CDH23: variants seen among roughly 807,000 people sequenced by gnomAD.
CDH23 encodes cadherin related 23.
CDH23 carries 189 observed loss-of-function variants against 317.1 expected under a neutral mutation model. The observed-to-expected ratio is 0.60, with a 90% CI of 0.53 to 0.67. The LOEUF (loss-of-function observed/expected upper bound fraction) is 0.67. CDH23 is among the 30% of genes least tolerant of loss of function. The pLI, the probability that CDH23 is intolerant of heterozygous loss-of-function variation, is 0.00. For synonymous variants in CDH23, 1,839 were observed against 1,876.8 expected, an observed-to-expected ratio of 0.98 and a Z score of 0.52; for missense variants, 4,401 against 4,592.4, an observed-to-expected ratio of 0.96 and a Z score of 1.20.
At position 71,712,672 on chromosome 10, in the gene CDH23, C is replaced by A. The variant is rs750364937; in HGVS notation, c.3228C>A (p.Gly1076=). 14 of 1,613,456 alleles carry A rather than the reference C, an allele frequency of 8.7e-6. No individual in the cohort carries two copies. The Admixed American group carries it at 2.3e-4, about 27-fold the overall frequency. Residue 1076 remains glycine (G), a synonymous_variant, in exon 28 of 70, where the codon GGC becomes GGA. Coordinates refer to ENST00000224721, the MANE Select transcript of CDH23 (RefSeq NM_022124.6). The stretch of plus-strand genomic sequence containing the variant: ...TTCCTTCAACTCCCACAGACAACGG[C>A]CCTGTAGGGAAGCGACACACGGGCA... ...YMLILEAIDN[G]PVGKRHTGTA...
At chr10:71,616,049 G>C (rs1368027390) in intron 10 of CDH23, among the ~76,000 whole-genome samples, 1 of 152,236 alleles carries the variant, frequency 6.6e-6, no homozygotes, top group African/African-American at 2.4e-5. Flanking sequence ...GCAGCAGGGA[G>C]CAATGCAACA....
chr10:71,701,958 G>A (rs767557779), intron 22 of CDH23, 64 bp from the exon 23 acceptor site: 39 of 1,556,416 alleles, frequency 2.5e-5, no homozygotes, highest in Middle Eastern at 3.5e-4. Context: ...AGATACTCCC[G>A]GCCAGCCCAG....
intron 1 of CDH23, among the ~76,000 whole-genome samples, chr10:71,413,748 G>T (rs1848428229): frequency 6.6e-6 from 1 of 151,944 alleles, no homozygotes; most frequent in Non-Finnish European, 1.5e-5. Context: ...GCTCAAGCTA[G>T]AGGCAAACTC....
At position 71,738,574 on chromosome 10, in the gene CDH23, C is replaced by G. The variant is rs747673739; in HGVS notation, c.4286C>G (p.Pro1429Arg). The G allele has an allele frequency of 3.7e-6, 6 of 1,613,926 alleles. No individual in the cohort carries two copies. Among genetic ancestry groups the G allele is most frequent in the Middle Eastern group, 1.6e-4 (1 of 6,062 alleles). The stretch of plus-strand genomic sequence containing the variant: ...ACCTCCGACTCGGCGGTCAGCATAC[C>G]CGAGGACTGCCCTGTGGGCCAGCGA... Reference protein sequence around the residue: ...DFTSDSAVSIPEDCPVGQRVA... With the variant: ...DFTSDSAVSIREDCPVGQRVA... The change falls in exon 35 of 70, where the codon CCC becomes CGC. Residue 1429 changes from proline to arginine, a missense_variant. Transcript: ENST00000224721.
chr10:71,500,753 G>C (rs1853246679), intron 3 of CDH23, among the ~76,000 whole-genome samples: 1 of 146,598 alleles, frequency 6.8e-6, no homozygotes, highest in South Asian at 2.3e-4. Context: ...TTACCCCTCT[G>C]AGCCTGTTTT....
intron 9 of CDH23, among the ~76,000 whole-genome samples, chr10:71,591,955 G>A (rs1010135350): frequency 6.6e-6 from 1 of 152,128 alleles, no homozygotes; most frequent in Non-Finnish European, 1.5e-5. Context: ...TCCCAAGCAG[G>A]AGAGGCTGTG....
intron 14 of CDH23, among the ~76,000 whole-genome samples, chr10:71,658,371 G>A (rs1015624740): frequency 5.9e-5 from 9 of 152,264 alleles, no homozygotes; most frequent in African/African-American, 7.2e-5. Context: ...CCTCTGCCTC[G>A]GAAGTGAATT....
chr10:71,524,167 G>C (rs1264942482), intron 6 of CDH23, among the ~76,000 whole-genome samples: 1 of 152,242 alleles, frequency 6.6e-6, no homozygotes, highest in Admixed American at 6.5e-5. Context: ...ATCACTGTTA[G>C]CTTCTTACGG....
At chr10:71,554,357 T>C (rs1221847811) in intron 6 of CDH23, among the ~76,000 whole-genome samples, 1 of 139,630 alleles carries the variant, frequency 7.2e-6, no homozygotes, top group African/African-American at 2.8e-5. Context: ...ACCACCACAC[T>C]GGACTAATTT....
At chr10:71,732,830 A>G (rs1839435864) in intron 32 of CDH23, 1 of 415,806 alleles carries the variant, frequency 2.4e-6, no homozygotes, top group Non-Finnish European at 3.4e-6. Context: ...TCGGCAACCA[A>G]TTATCTGACT....
intron 3 of CDH23, among the ~76,000 whole-genome samples, chr10:71,463,611 G>A (rs2132067335): frequency 6.6e-6 from 1 of 152,290 alleles, no homozygotes; most frequent in Non-Finnish European, 1.5e-5. Context: ...TCCCTTACCT[G>A]CCATCTCTCC....
intron 6 of CDH23, 106 bp from the exon 7 acceptor site, chr10:71,566,636 C>A (rs374566657): frequency 1.0e-6 from 1 of 1,000,214 alleles, no homozygotes; most frequent in African/African-American, 1.6e-5. Context: ...GGCCTCGGGT[C>A]TGGTTGGCTG....
chr10:71,580,812 A>G (rs1342607480), intron 9 of CDH23, among the ~76,000 whole-genome samples: 1 of 152,036 alleles, frequency 6.6e-6, no homozygotes, highest in Non-Finnish European at 1.5e-5. Context: ...CCTAGGTAAG[A>G]AAGGTAGGTA....
rs200723552 is a variant in CDH23 at position 71,794,009 on chromosome 10, CT to C, written c.6712+378del. 3.1e-4 allele frequency among the ~76,000 whole-genome samples: 47 copies of C among 151,176 alleles called. No individual in the cohort carries two copies. In the East Asian group the frequency reaches 8.5e-3, roughly 27 times the overall value. On this transcript the variant is annotated intron_variant, in intron 48 of 69. Transcript: ENST00000224721. The stretch of plus-strand genomic sequence containing the variant: ...CTTTTGTTTTTTGTTTTTGTTTTGG[CT>C]TTTTTTTTGAGATGGAATTTCACTC...
chr10:71,398,580 T>C (rs923118988), intron 1 of CDH23, among the ~76,000 whole-genome samples: 3 of 151,600 alleles, frequency 2.0e-5, no homozygotes, highest in Non-Finnish European at 4.4e-5. Flanking sequence ...TGATGATGAG[T>C]CAGCCCACGA....
chr10:71,810,275 G>A (rs376224156), intron 61 of CDH23, among the ~76,000 whole-genome samples, 197 bp from the exon 62 acceptor site: 11 of 152,304 alleles, frequency 7.2e-5, no homozygotes, highest in African/African-American at 2.6e-4. Context: ...CATAAAATGG[G>A]GCCAATAATA....
chr10:71,522,961 A>G (rs1434792384), intron 6 of CDH23, among the ~76,000 whole-genome samples: 1 of 152,180 alleles, frequency 6.6e-6, no homozygotes. Flanking sequence ...TGACTTGTCC[A>G]AGGTCACACA....
intron 62 of CDH23, 63 bp downstream of exon 62, chr10:71,810,632 T>C: frequency 6.9e-7 from 1 of 1,445,246 alleles, no homozygotes; most frequent in Non-Finnish European, 9.7e-7. Flanking sequence ...TGCCCTGGAG[T>C]AGGGGAGGGG....
rs762124768 is a variant in CDH23, at chr10:71,785,072, G to A, written c.5684G>A (p.Arg1895His). The A allele has an allele frequency of 2.6e-5, 42 of 1,613,944 alleles. No homozygotes were observed. Among genetic ancestry groups the A allele is most frequent in the African/African-American group, 5.3e-5 (4 of 74,964 alleles). The change falls in exon 43 of 70, where the codon CGC becomes CAC. Residue 1895 changes from arginine (R) to histidine (H), a missense_variant. Physicochemically the swap from Arg to His is conservative, Grantham distance 29. Coordinates refer to ENST00000224721, the MANE Select transcript of CDH23 (RefSeq NM_022124.6). ...RLTFNITAGN[R>H]ERAFFINATT... ...ACCTTCAACATCACTGCGGGCAACC[G>A]CGAGCGGGCCTTCTTCATCAATGCC...
Sources: allele counts gnomAD v4.1 joint callset (sites outside exome capture counted in the v4.1 genomes callset), GRCh38; gene constraint gnomAD v4.1.1; transcripts MANE v1.5; gene names NCBI Gene and HGNC (gene_info 2026-07-23, HGNC 2026-07-21).